TLN2: variants seen among roughly 807,000 people sequenced by gnomAD.
The protein encoded by TLN2 is talin 2.
In TLN2, 118 loss-of-function variants were observed where a neutral mutation model predicts 294.7. The ratio of observed to expected loss-of-function variants is 0.40; its 90% confidence interval spans 0.34 to 0.47. The LOEUF is 0.47. TLN2 is among the 20% of genes least tolerant of loss of function. The pLI, the probability that TLN2 is intolerant of heterozygous loss-of-function variation, is 0.84. For missense variants in TLN2, 3,083 were observed against 3,282.2 expected, an observed-to-expected ratio of 0.94 and a Z score of 1.48; for synonymous variants, 1,431 against 1,304.5, an observed-to-expected ratio of 1.10 and a Z score of -2.09.
intron 43 of TLN2, among the ~76,000 whole-genome samples, chr15:62,778,741 A>G (rs1361119237): frequency 6.6e-6 from 1 of 152,178 alleles, no homozygotes; most frequent in Admixed American, 6.5e-5. Context: ...GTAATTAGGA[A>G]CTGCCAGCCA....
At chr15:62,702,331 C>A in intron 18 of TLN2, 131 bp downstream of exon 18, 1 of 1,064,440 alleles carries the variant, frequency 9.4e-7, no homozygotes, top group Non-Finnish European at 1.3e-6. Flanking sequence ...GCAGGAGTAA[C>A]TGGAGTTGTG....
chr15:62,601,768 T>TA (rs2047029697), intron 2 of TLN2, among the ~76,000 whole-genome samples: 1 of 152,170 alleles, frequency 6.6e-6, no homozygotes, highest in African/African-American at 2.4e-5. Flanking sequence ...TCGGGATAAA[T>TA]ATGTTCTTTT....
At chr15:62,807,391 A>G (rs1341947139) in intron 51 of TLN2, among the ~76,000 whole-genome samples, 2 of 152,244 alleles carry the variant, frequency 1.3e-5, no homozygotes, top group Non-Finnish European at 2.9e-5. Context: ...GAGAAGTGGC[A>G]TGACCAAGGT....
At chr15:62,659,255 CACTT>C (rs2053565265) in intron 9 of TLN2, among the ~76,000 whole-genome samples, 1 of 152,176 alleles carries the variant, frequency 6.6e-6, no homozygotes, top group Non-Finnish European at 1.5e-5. Context: ...GGCTTGTTCA[CACTT>C]ACTTAAAGAG....
chr15:62,612,036 A>C (rs1286638200), intron 2 of TLN2, among the ~76,000 whole-genome samples: 1 of 152,196 alleles, frequency 6.6e-6, no homozygotes, highest in Non-Finnish European at 1.5e-5. Context: ...TGATGACTTC[A>C]AATTGGGATA....
At chr15:62,659,481 G>A (rs138287145) in intron 9 of TLN2, among the ~76,000 whole-genome samples, 237 of 152,290 alleles carry the variant, frequency 1.6e-3, no homozygotes, top group Non-Finnish European at 3.0e-3. Flanking sequence ...ACAGCTGACT[G>A]CCTGTGTCGA....
At chr15:62,677,716 CTT>C (rs763086969) in intron 11 of TLN2, among the ~76,000 whole-genome samples, 16 of 149,932 alleles carry the variant, frequency 1.1e-4, no homozygotes, top group East Asian at 5.9e-4. Flanking sequence ...CCTTTCCTCT[CTT>C]TCTTTCCCTT....
chr15:62,595,644 G>T (rs1466422120), intron 2 of TLN2, among the ~76,000 whole-genome samples: 1 of 152,068 alleles, frequency 6.6e-6, no homozygotes, highest in Non-Finnish European at 1.5e-5. Flanking sequence ...ACAGTAGCTG[G>T]GATATGGAAT....
At chr15:62,545,329 G>A (rs1476697966) in intron 1 of TLN2, among the ~76,000 whole-genome samples, 3 of 152,086 alleles carry the variant, frequency 2.0e-5, no homozygotes, top group African/African-American at 7.2e-5. Flanking sequence ...ATTGCTTGTT[G>A]CAATAACAAG....
chr15:62,511,788 T>G (rs1005060427), intron 1 of TLN2, among the ~76,000 whole-genome samples: 1 of 152,218 alleles, frequency 6.6e-6, no homozygotes, highest in Non-Finnish European at 1.5e-5. Context: ...AACCATTCTT[T>G]TGAGCTAGAG....
intron 1 of TLN2, among the ~76,000 whole-genome samples, chr15:62,553,808 T>C (rs184531378): frequency 6.6e-6 from 1 of 152,362 alleles, no homozygotes; most frequent in East Asian, 1.9e-4. Context: ...GCTTCCTTAT[T>C]ATTTATAAAA....
intron 1 of TLN2, among the ~76,000 whole-genome samples, chr15:62,405,247 A>G (rs1357892265): frequency 2.0e-5 from 3 of 152,142 alleles, no homozygotes; most frequent in Non-Finnish European, 4.4e-5. Context: ...GCTAGTTCCG[A>G]AACCCCACCT....
chr15:62,430,335 A>G (rs1014209655), intron 1 of TLN2, among the ~76,000 whole-genome samples: 2 of 152,238 alleles, frequency 1.3e-5, no homozygotes, highest in Non-Finnish European at 2.9e-5. Context: ...TGGGCCAATC[A>G]TGGTTAAATT....
intron 1 of TLN2, among the ~76,000 whole-genome samples, chr15:62,457,520 G>A (rs1384349437): frequency 6.6e-6 from 1 of 152,182 alleles, no homozygotes; most frequent in East Asian, 1.9e-4. Context: ...CAGAGGAATT[G>A]GGCCCCGTCT....
chr15:62,420,852 C>T (rs918529931), intron 1 of TLN2, among the ~76,000 whole-genome samples: 2 of 152,154 alleles, frequency 1.3e-5, no homozygotes, highest in African/African-American at 2.4e-5. Flanking sequence ...AGGAACTCCT[C>T]AAATCTCTGT....
chr15:62,805,592 A>G lies in TLN2; in HGVS notation c.6478-8A>G. ...GATTTTTTTAACCTCTCTGTTTCTG[A>G]CTTCCAGGTGTTCCAGTCAAAAGAC... On this transcript the variant is annotated splice_region_variant and splice_polypyrimidine_tract_variant and intron_variant, in intron 50 of 58. Coordinates refer to ENST00000636159, the MANE Select transcript of TLN2 (RefSeq NM_015059.3). 6.3e-7 allele frequency: 1 copy of G among 1,585,124 alleles called. No homozygotes were observed.
At chr15:62,679,704 A>C (rs558695950) in intron 11 of TLN2, among the ~76,000 whole-genome samples, 20 of 152,360 alleles carry the variant, frequency 1.3e-4, no homozygotes, top group African/African-American at 4.6e-4. Context: ...TAAAAATAAC[A>C]GTAATACAGA....
intron 1 of TLN2, among the ~76,000 whole-genome samples, chr15:62,572,115 C>T (rs113622379): frequency 5.9e-5 from 9 of 152,314 alleles, no homozygotes; most frequent in African/African-American, 2.2e-4. Context: ...TCCAGGTTCT[C>T]TAGCTTGACA....
intron 11 of TLN2, 94 bp downstream of exon 11, chr15:62,675,415 C>T: frequency 7.9e-7 from 1 of 1,271,466 alleles, no homozygotes; most frequent in South Asian, 1.3e-5. Context: ...GTCCTGCTCA[C>T]CCCCCTAGCA....
Sources: gnomAD v4.1 joint callset for allele counts (sites outside exome capture counted in the v4.1 genomes callset) on GRCh38, gnomAD v4.1.1 for gene constraint, MANE v1.5 for transcripts, NCBI Gene and HGNC (gene_info 2026-07-23, HGNC 2026-07-21) for gene names.